BBX: variants seen among roughly 807,000 people sequenced by gnomAD.
The protein encoded by BBX is BBX high mobility group box domain containing.
Under a neutral mutation model 100.2 loss-of-function variants are expected in BBX, and 30 were observed. That is an observed-to-expected ratio of 0.30 (90% CI 0.22 to 0.41). The LOEUF (loss-of-function observed/expected upper bound fraction) is 0.41. BBX is among the 10% of genes least tolerant of loss of function. The pLI, the probability that BBX is intolerant of heterozygous loss-of-function variation, is 1.00. For missense variants in BBX, 1,023 were observed against 1,129.8 expected (o/e 0.91, Z 1.35); for synonymous variants, 376 against 388.1 (o/e 0.97, Z 0.37).
chr3:107,644,630 T>C (rs1465829828), intron 2 of BBX, among the ~76,000 whole-genome samples: 1 of 152,190 alleles, frequency 6.6e-6, no homozygotes, highest in Non-Finnish European at 1.5e-5. Flanking sequence ...TCCTAAACTG[T>C]AGTAAAAGCG....
At chr3:107,706,580 A>G (rs1250716843) in intron 3 of BBX, among the ~76,000 whole-genome samples, 1 of 152,132 alleles carries the variant, frequency 6.6e-6, no homozygotes, top group Non-Finnish European at 1.5e-5. Context: ...ATTGATAGTT[A>G]AATAACCTGA....
At chr3:107,714,716 G>T (rs1393457016) in intron 4 of BBX, among the ~76,000 whole-genome samples, 2 of 152,020 alleles carry the variant, frequency 1.3e-5, no homozygotes, top group Non-Finnish European at 2.9e-5. Flanking sequence ...ATGACCTCAA[G>T]ATTTTTTCTG....
chr3:107,602,316 G>T (rs536891776), intron 2 of BBX, among the ~76,000 whole-genome samples: 1 of 152,170 alleles, frequency 6.6e-6, no homozygotes, highest in Non-Finnish European at 1.5e-5. Context: ...ATTTCCTAAG[G>T]CTACAGCTGC....
chr3:107,764,662 G>T (rs758822043), intron 10 of BBX, among the ~76,000 whole-genome samples: 1 of 152,138 alleles, frequency 6.6e-6, no homozygotes, highest in Non-Finnish European at 1.5e-5. Flanking sequence ...TTTTAAAAAG[G>T]TTATTGTCCA....
chr3:107,677,670 GT>G (rs992561824), intron 3 of BBX, among the ~76,000 whole-genome samples: 4 of 152,076 alleles, frequency 2.6e-5, no homozygotes, highest in Non-Finnish European at 5.9e-5. Context: ...TTTCAAGCAT[GT>G]TTAAGCTAGG....
chr3:107,791,437 A>G (rs1393636489), intron 15 of BBX, 138 bp downstream of exon 15: 4 of 684,554 alleles, frequency 5.8e-6, no homozygotes, highest in East Asian at 2.8e-5. Flanking sequence ...GGTTATTTTT[A>G]ATTTTCACAT....
chr3:107,626,654 ATT>A (rs11331777), intron 2 of BBX, among the ~76,000 whole-genome samples: 2,074 of 131,374 alleles, frequency 0.016, 40 homozygotes, highest in African/African-American at 0.049. Context: ...TTTCCATAGG[ATT>A]TTTTTTTTTT....
At chr3:107,728,135 C>T (rs2063087669) in intron 5 of BBX, among the ~76,000 whole-genome samples, 1 of 152,116 alleles carries the variant, frequency 6.6e-6, no homozygotes, top group Non-Finnish European at 1.5e-5. Flanking sequence ...TATCAGTGCT[C>T]TTAGAGCTTA....
At chr3:107,532,390 C>T (rs674779) in intron 2 of BBX, among the ~76,000 whole-genome samples, 16,568 of 151,980 alleles carry the variant, frequency 0.11, 1,008 homozygotes, top group Non-Finnish European at 0.12. Flanking sequence ...ATGAAAACTT[C>T]GAATATACTT....
At chr3:107,681,711 A>T (rs1395125549) in intron 3 of BBX, among the ~76,000 whole-genome samples, 1 of 152,178 alleles carries the variant, frequency 6.6e-6, no homozygotes, top group South Asian at 2.1e-4. Flanking sequence ...GAAGATGCAT[A>T]TCATATACTG....
chr3:107,770,099 A>G (rs2066779423), intron 10 of BBX, among the ~76,000 whole-genome samples: 1 of 152,174 alleles, frequency 6.6e-6, no homozygotes, highest in Admixed American at 6.5e-5. Context: ...ATATTGTGCT[A>G]TTTCCCAGAA....
chr3:107,754,699 A>G (rs2065340601), intron 9 of BBX, among the ~76,000 whole-genome samples: 1 of 152,212 alleles, frequency 6.6e-6, no homozygotes, highest in African/African-American at 2.4e-5. Context: ...CTAAATGGAA[A>G]TAAGAAATAG....
At chr3:107,523,634 A>G (rs775662246) in intron 1 of BBX, 1 of 152,136 alleles carries the variant, frequency 6.6e-6, no homozygotes, top group Admixed American at 6.5e-5. Context: ...GGGAGCCCCA[A>G]ACTTCATCTC....
chr3:107,631,422 T>C (rs1296265313), intron 2 of BBX, among the ~76,000 whole-genome samples: 1 of 152,196 alleles, frequency 6.6e-6, no homozygotes, highest in Non-Finnish European at 1.5e-5. Flanking sequence ...AAGTGTCAAG[T>C]AAGTCTCCCA....
chr3:107,603,082 G>A (rs1045531134), intron 2 of BBX, among the ~76,000 whole-genome samples: 4 of 152,094 alleles, frequency 2.6e-5, no homozygotes, highest in African/African-American at 9.7e-5. Context: ...TCCTGCCTCA[G>A]CCTCCCAAGT....
At chr3:107,662,081 A>G (rs191990233) in intron 3 of BBX, 1 of 178,532 alleles carries the variant, frequency 5.6e-6, no homozygotes, top group East Asian at 1.9e-4. Flanking sequence ...CTTGCAGGCT[A>G]GACAAACATG....
intron 2 of BBX, among the ~76,000 whole-genome samples, chr3:107,558,621 A>G (rs1413850510): frequency 6.6e-6 from 1 of 152,206 alleles, no homozygotes; most frequent in Non-Finnish European, 1.5e-5. Context: ...TTGGCTCTCA[A>G]GCAGCTGTGA....
Position 107,801,215 on chromosome 3 carries a change from C to T in BBX, c.2672C>T (p.Pro891Leu), listed in dbSNP as rs768452201. ...GETRSSTPEM[P>L]AVSAFFSLAA... ...ACGCGGAGCAGTACTCCAGAAATGC[C>T]TGCCGTGTCTGCGTTCTTTAGCCTC... The change falls in exon 17 of 18, where the codon CCT (proline) becomes CTT (leucine). Residue 891 changes from proline to leucine, a missense_variant. Pro to Leu is a moderately conservative substitution (Grantham distance 98). Coordinates refer to ENST00000325805, the MANE Select transcript of BBX (RefSeq NM_001142568.3). The T allele has an allele frequency of 6.2e-7, 1 of 1,614,226 alleles. No homozygotes were observed. Among genetic ancestry groups the T allele is most frequent in the Admixed American group, 1.7e-5 (1 of 60,032 alleles).
At chr3:107,549,857 G>C (rs2049530135) in intron 2 of BBX, among the ~76,000 whole-genome samples, 1 of 141,382 alleles carries the variant, frequency 7.1e-6, no homozygotes, top group South Asian at 2.3e-4. Flanking sequence ...AAGTAAGCGT[G>C]CTTGTTCTTA....
Sources: allele counts gnomAD v4.1 joint callset (sites outside exome capture counted in the v4.1 genomes callset), GRCh38; gene constraint gnomAD v4.1.1; transcripts MANE v1.5; gene names NCBI Gene and HGNC (gene_info 2026-07-23, HGNC 2026-07-21).